Variants in MYH15 observed in about 807,000 individuals in gnomAD.
MYH15 encodes the protein myosin heavy chain 15.
MYH15 carries 227 observed loss-of-function variants against 240.5 expected under a neutral mutation model. That is an observed-to-expected ratio of 0.94 (90% CI 0.85 to 1.05). MYH15 has a LOEUF of 1.05. MYH15 is among the 50% of genes least tolerant of loss of function. MYH15 has a pLI of 0.00. For missense variants in MYH15, 2,217 were observed against 2,247.5 expected, an observed-to-expected ratio of 0.99 and a Z score of 0.27; for synonymous variants, 785 against 796.7, an observed-to-expected ratio of 0.99 and a Z score of 0.25.
upstream of MYH15, among the ~76,000 whole-genome samples, chr3:108,531,809 T>C (rs1209596884): frequency 4.7e-5 from 7 of 150,068 alleles, no homozygotes; most frequent in Non-Finnish European, 7.4e-5. Context: ...AATAAATACA[T>C]AAATAAAATA....
chr3:108,425,678 G>A (rs2082719879), intron 27 of MYH15, among the ~76,000 whole-genome samples: 2 of 152,194 alleles, frequency 1.3e-5, no homozygotes, highest in African/African-American at 4.8e-5. Context: ...AAAGACACAT[G>A]GCAGGGATTA....
intron 35 of MYH15, among the ~76,000 whole-genome samples, chr3:108,396,460 A>G (rs913345534): frequency 1.3e-5 from 2 of 152,018 alleles, no homozygotes; most frequent in African/African-American, 2.4e-5. Context: ...GAGCATTTGC[A>G]CTCCTATGAG....
chr3:108,402,113 TAAG>T (rs1576210559), intron 33 of MYH15, among the ~76,000 whole-genome samples: 1 of 140,846 alleles, frequency 7.1e-6, no homozygotes, highest in East Asian at 1.9e-4. Context: ...GTATGAGAAA[TAAG>T]AGATTTTTTT....
At chr3:108,491,697 C>T (rs983481453) in intron 9 of MYH15, among the ~76,000 whole-genome samples, 5 of 152,060 alleles carry the variant, frequency 3.3e-5, no homozygotes, top group East Asian at 1.9e-4. Flanking sequence ...CTCCTATTGC[C>T]GCACCCCCCA....
At chr3:108,421,320 T>A in intron 27 of MYH15, 106 bp from the exon 28 acceptor site, 4 of 1,303,930 alleles carry the variant, frequency 3.1e-6, no homozygotes, top group Non-Finnish European at 4.2e-6. Context: ...CATGCTCTCT[T>A]CTGTAGTAAA....
In MYH15 at chr3:108,456,752, G is replaced by C; in HGVS notation, c.2138+14C>G. 6.4e-7 allele frequency: 1 copy of C among 1,572,546 alleles called. No homozygotes were observed. Among genetic ancestry groups the C allele is most frequent in the South Asian group, 1.1e-5 (1 of 90,136 alleles). Reference sequence around the variant, plus strand: ...ACTGCCTCAGGCTTCTTGGATCCTAGAATGTAGGTTTACCTTTGTTTAAAA... The same window carrying C: ...ACTGCCTCAGGCTTCTTGGATCCTACAATGTAGGTTTACCTTTGTTTAAAA... On this transcript the variant is annotated intron_variant, in intron 19 of 40. Transcript: ENST00000693548.
intron 11 of MYH15, among the ~76,000 whole-genome samples, chr3:108,484,310 G>A (rs2083289426): frequency 2.6e-5 from 4 of 152,154 alleles, no homozygotes; most frequent in Admixed American, 2.0e-4. Context: ...AAGCAGATAA[G>A]AGTATAGATT....
chr3:108,457,458 C>T (rs955877661), intron 18 of MYH15, among the ~76,000 whole-genome samples: 5 of 152,122 alleles, frequency 3.3e-5, no homozygotes, highest in African/African-American at 1.2e-4. Context: ...ATCCTTCTGT[C>T]ACCTTCTCGT....
intron 7 of MYH15, among the ~76,000 whole-genome samples, chr3:108,495,384 T>A (rs1490794947): frequency 6.6e-6 from 1 of 152,186 alleles, no homozygotes; most frequent in Non-Finnish European, 1.5e-5. Context: ...GTAAGTGAAT[T>A]AGGAAGTGCC....
At chr3:108,503,700 G>T (rs555729133) in intron 2 of MYH15, among the ~76,000 whole-genome samples, 97 of 152,294 alleles carry the variant, frequency 6.4e-4, no homozygotes, top group African/African-American at 2.2e-3. Context: ...TATGTTGCTG[G>T]TGGAAACGTA....
intron 14 of MYH15, among the ~76,000 whole-genome samples, chr3:108,465,635 G>A (rs1473141294): frequency 6.6e-6 from 1 of 152,128 alleles, no homozygotes; most frequent in Admixed American, 6.6e-5. Flanking sequence ...CATTTTTAAA[G>A]AGTTTTAAAA....
the MYH15 span, among the ~76,000 whole-genome samples, chr3:108,538,930 G>A: frequency 6.6e-6 from 1 of 152,124 alleles, no homozygotes; most frequent in African/African-American, 2.4e-5. Flanking sequence ...AATGGAAGGT[G>A]AGAGAAAGAA....
chr3:108,442,541 A>G lies in MYH15; in HGVS notation c.2656-1281T>C, dbSNP rs114161479. Among the ~76,000 whole-genome samples the G allele has an allele frequency of 7.6e-3, 1,163 of 152,274 alleles. 17 individuals carry two copies. Among genetic ancestry groups the G allele is most frequent in the African/African-American group, 0.026 (1,097 of 41,550 alleles). On this transcript the variant is annotated intron_variant, in intron 22 of 40. Transcript: ENST00000693548. ...TTGCTGCATTCCATTCAGCCTGTAT[A>G]CAAGACCTGTCACCATCACTGAACA...
At chr3:108,383,086 T>G (rs969268029) in intron 40 of MYH15, among the ~76,000 whole-genome samples, 3 of 152,040 alleles carry the variant, frequency 2.0e-5, no homozygotes, top group Middle Eastern at 6.8e-3. Flanking sequence ...TCTGTGTTTT[T>G]GGGCAGAATC....
chr3:108,515,237 C>T (rs1178170673), upstream of MYH15, among the ~76,000 whole-genome samples: 2 of 152,184 alleles, frequency 1.3e-5, no homozygotes, highest in Admixed American at 6.5e-5. Context: ...TGCCACTCTC[C>T]ATCTGGGCTC....
chr3:108,384,429 T>A (rs918133513), intron 39 of MYH15, among the ~76,000 whole-genome samples: 3 of 152,150 alleles, frequency 2.0e-5, no homozygotes, highest in Non-Finnish European at 4.4e-5. Flanking sequence ...CTTTTACCTA[T>A]CTCATTTCTT....
chr3:108,463,295 T>C (rs781359453), intron 15 of MYH15, 52 bp from the exon 16 acceptor site: 2 of 1,555,778 alleles, frequency 1.3e-6, no homozygotes, highest in South Asian at 2.4e-5. Context: ...ACTGCATAAG[T>C]TAACATGGAA....
At chr3:108,395,121 T>C (rs1294046453) in intron 35 of MYH15, among the ~76,000 whole-genome samples, 1 of 151,958 alleles carries the variant, frequency 6.6e-6, no homozygotes, top group East Asian at 1.9e-4. Context: ...TTACCAAAAA[T>C]AGTTGGGTGT....
At chr3:108,447,922 T>C (rs2082941826) in intron 21 of MYH15, among the ~76,000 whole-genome samples, 1 of 152,144 alleles carries the variant, frequency 6.6e-6, no homozygotes, top group African/African-American at 2.4e-5. Context: ...TTAATAGATA[T>C]ACAATACTAA....
Sources: allele counts gnomAD v4.1 joint callset (sites outside exome capture counted in the v4.1 genomes callset), GRCh38; gene constraint gnomAD v4.1.1; transcripts MANE v1.5; gene names NCBI Gene and HGNC (gene_info 2026-07-23, HGNC 2026-07-21).